COMMD10: variants seen among roughly 807,000 people sequenced by gnomAD.
COMMD10 encodes the protein COMM domain-containing protein 10.
COMMD10 carries 33 observed loss-of-function variants against 28.9 expected under a neutral mutation model. That is an observed-to-expected ratio of 1.14 (90% CI 0.87 to 1.53). The LOEUF is 1.53. Among genes scored for constraint, COMMD10 ranks in the 40% most tolerant of loss-of-function variants. The pLI is 0.00. For missense variants in COMMD10, 310 were observed against 233.4 expected (o/e 1.33, Z -2.14); for synonymous variants, 110 against 81.7 (o/e 1.35, Z -1.87).
intron 5 of COMMD10, among the ~76,000 whole-genome samples, chr5:116,285,624 AC>A (rs1751199381): frequency 6.6e-6 from 1 of 151,924 alleles, no homozygotes; most frequent in Admixed American, 6.6e-5. Context: ...GTGTCTTTCC[AC>A]CTTTATTCTG....
intron 5 of COMMD10, among the ~76,000 whole-genome samples, chr5:116,150,351 G>C (rs901924004): frequency 1.2e-4 from 19 of 152,138 alleles, no homozygotes; most frequent in African/African-American, 4.3e-4. Context: ...CTCTTTTTTG[G>C]TTCCATATGA....
At chr5:116,120,507 T>TA (rs930843987) in intron 4 of COMMD10, among the ~76,000 whole-genome samples, 13 of 151,928 alleles carry the variant, frequency 8.6e-5, no homozygotes, top group Admixed American at 3.3e-4. Context: ...GAAATAAAAT[T>TA]AAAAAAAATT....
At chr5:116,091,732 T>C (rs1327374521) in intron 3 of COMMD10, among the ~76,000 whole-genome samples, 1 of 152,222 alleles carries the variant, frequency 6.6e-6, no homozygotes, top group African/African-American at 2.4e-5. Flanking sequence ...TAGTTATACC[T>C]CCTTCACCAG....
chr5:116,197,056 T>G (rs1359974573), intron 5 of COMMD10, among the ~76,000 whole-genome samples: 1 of 152,086 alleles, frequency 6.6e-6, no homozygotes, highest in Non-Finnish European at 1.5e-5. Flanking sequence ...TCAAGAAACT[T>G]TAGTGTTTCT....
rs537125227 is a variant in COMMD10, at chr5:116,112,329, C to T, written c.399+19629C>T. Among the ~76,000 whole-genome samples the T allele has an allele frequency of 2.0e-5, 3 of 152,062 alleles. No homozygotes were observed. The South Asian group carries it at 6.2e-4, about 32-fold the overall frequency. On this transcript the variant is annotated intron_variant, in intron 4 of 6. Coordinates refer to ENST00000274458, the MANE Select transcript of COMMD10 (RefSeq NM_016144.4). ...CATAATATCAATCAATATCTTTTTC[C>T]ACCCCTTTACTTTTAGTCTATGTGT...
intron 4 of COMMD10, among the ~76,000 whole-genome samples, chr5:116,116,718 T>C (rs1394701107): frequency 8.7e-5 from 13 of 149,492 alleles, no homozygotes; most frequent in African/African-American, 2.0e-4. Flanking sequence ...TTTTTTTTTT[T>C]TTTTTTTTTT....
chr5:116,195,929 A>T (rs2112617819), intron 5 of COMMD10, among the ~76,000 whole-genome samples: 1 of 152,310 alleles, frequency 6.6e-6, no homozygotes, highest in South Asian at 2.1e-4. Flanking sequence ...GAAAATCAAT[A>T]AACAGAAGAT....
chr5:116,204,397 A>G (rs888944486), intron 5 of COMMD10, among the ~76,000 whole-genome samples: 2 of 152,068 alleles, frequency 1.3e-5, no homozygotes, highest in Non-Finnish European at 2.9e-5. Flanking sequence ...ATTGTTTGTA[A>G]TACCATATTC....
intron 5 of COMMD10, among the ~76,000 whole-genome samples, chr5:116,149,014 A>G (rs1409131233): frequency 1.2e-5 from 1 of 82,834 alleles, no homozygotes; most frequent in Admixed American, 1.9e-4. Flanking sequence ...CCCCCACCCC[A>G]CAGCAGTCCC....
chr5:116,116,609 C>G (rs990777101), intron 4 of COMMD10, among the ~76,000 whole-genome samples: 3 of 151,884 alleles, frequency 2.0e-5, no homozygotes, highest in Non-Finnish European at 4.4e-5. Context: ...TTTCTGTATG[C>G]TTAAATTCAC....
At chr5:116,201,940 G>A (rs1748677971) in intron 5 of COMMD10, among the ~76,000 whole-genome samples, 2 of 151,894 alleles carry the variant, frequency 1.3e-5, no homozygotes, top group South Asian at 2.1e-4. Context: ...ACAATGTGCA[G>A]GTTAGTTACA....
intron 5 of COMMD10, among the ~76,000 whole-genome samples, chr5:116,136,957 CTT>C (rs1752041996): frequency 6.6e-6 from 1 of 151,984 alleles, no homozygotes; most frequent in South Asian, 2.1e-4. Flanking sequence ...GTGCCTGTGT[CTT>C]ATATCTCCTA....
chr5:116,112,941 CA>C (rs1386321283), intron 4 of COMMD10, among the ~76,000 whole-genome samples: 1 of 152,076 alleles, frequency 6.6e-6, no homozygotes, highest in African/African-American at 2.4e-5. Flanking sequence ...TGTGTTTTCA[CA>C]ATGATAAATA....
intron 5 of COMMD10, among the ~76,000 whole-genome samples, chr5:116,269,212 A>G (rs1338677077): frequency 6.6e-6 from 1 of 151,886 alleles, no homozygotes; most frequent in East Asian, 1.9e-4. Context: ...ACCTGTACAG[A>G]AAGTACTCTT....
chr5:116,278,845 C>A (rs1354256843), intron 5 of COMMD10, among the ~76,000 whole-genome samples: 1 of 151,642 alleles, frequency 6.6e-6, no homozygotes, highest in Non-Finnish European at 1.5e-5. Context: ...ACTATTTAGC[C>A]CATATATTTT....
Position 116,171,110 on chromosome 5 carries a change from T to A in COMMD10, c.510+36932T>A, listed in dbSNP as rs528387092. Among the ~76,000 whole-genome samples the A allele has an allele frequency of 2.7e-5, 4 of 150,860 alleles. No individual in the cohort carries two copies. In the South Asian group the frequency reaches 8.3e-4, roughly 31 times the overall value. ...TCTGAGAAAGGTCTAATATCCAGAA[T>A]CTACAAATAACTTAAATAAATTTAC... On this transcript the variant is annotated intron_variant, in intron 5 of 6. Transcript: ENST00000274458.
Position 116,290,462 on chromosome 5 carries a change from A to C in COMMD10, c.511-1055A>C, listed in dbSNP as rs892152013. On this transcript the variant is annotated intron_variant, in intron 5 of 6. Transcript: ENST00000274458. ...ATGAAGAGTGAGATGCATTTTCTGAACATAGCCCCATTGACTCTTCTGGAA... is the reference window on the plus strand; with the variant it reads ...ATGAAGAGTGAGATGCATTTTCTGACCATAGCCCCATTGACTCTTCTGGAA... 4.0e-5 allele frequency among the ~76,000 whole-genome samples: 6 copies of C among 151,880 alleles called. 1 individual carries two copies. The highest frequency in any genetic ancestry group is 1.5e-4 in the African/African-American group (6 of 41,174).
intron 5 of COMMD10, among the ~76,000 whole-genome samples, chr5:116,163,983 G>T (rs1173882829): frequency 3.3e-5 from 5 of 152,058 alleles, no homozygotes; most frequent in Admixed American, 2.6e-4. Flanking sequence ...CTACAAAGGG[G>T]TGATGGAAAT....
intron 5 of COMMD10, among the ~76,000 whole-genome samples, chr5:116,256,766 T>C (rs544938064): frequency 6.6e-6 from 1 of 151,810 alleles, no homozygotes; most frequent in Non-Finnish European, 1.5e-5. Flanking sequence ...TAATGTAATA[T>C]TTTGAATAAT....
Sources: gnomAD v4.1 joint callset for allele counts (sites outside exome capture counted in the v4.1 genomes callset) on GRCh38, gnomAD v4.1.1 for gene constraint, MANE v1.5 for transcripts, NCBI Gene and HGNC (gene_info 2026-07-23, HGNC 2026-07-21) for gene names.